The following CFAP92 variants were observed in gnomAD, a reference collection of about 807,000 sequenced individuals.
The protein encoded by CFAP92 is cilia and flagella associated protein 92 (putative).
A neutral mutation model predicts 106.3 loss-of-function variants in CFAP92; 86 were observed. That is an observed-to-expected ratio of 0.81 (90% CI 0.68 to 0.97). The LOEUF (loss-of-function observed/expected upper bound fraction) is 0.97. Ranked by LOEUF, CFAP92 falls within the 50% of genes least tolerant of loss-of-function variation. The pLI is 0.00. For synonymous variants in CFAP92, 477 were observed against 506.4 expected (o/e 0.94, Z 0.78); for missense variants, 1,204 against 1,283.8 (o/e 0.94, Z 0.95).
In CFAP92 at chr3:128,971,396, C is replaced by A. The variant is rs1167081660; in HGVS notation, c.1059G>T (p.Gln353His). ...CTGCCAGGGGCTTCTTATGTCTCCTCTGGATTTTCCTTCTTCCCTCTGAAT... is the reference window on the plus strand; with the variant it reads ...CTGCCAGGGGCTTCTTATGTCTCCTATGGATTTTCCTTCTTCCCTCTGAAT... ...GKDSEGRRKI[Q>H]RRHKKPLAEE... The change falls in exon 8 of 16, where the codon CAG (glutamine) becomes CAT (histidine). Residue 353 changes from glutamine to histidine, a missense_variant. By Grantham distance (24) the Gln-to-His change is conservative. Transcript: ENST00000645291. 1 of 1,612,324 alleles carries A rather than the reference C, an allele frequency of 6.2e-7. No individual in the cohort carries two copies. Among genetic ancestry groups the A allele is most frequent in the African/African-American group, 1.3e-5 (1 of 74,834 alleles).
chr3:128,966,141 T>C (rs1374673746), intron 8 of CFAP92, among the ~76,000 whole-genome samples: 1 of 152,174 alleles, frequency 6.6e-6, no homozygotes, highest in Admixed American at 6.5e-5. Context: ...CTATGGGCCA[T>C]AGGTAGCTAC....
At chr3:128,987,582 G>C (rs960149075) in intron 4 of CFAP92, 34 bp downstream of exon 4, 1 of 1,585,934 alleles carries the variant, frequency 6.3e-7, no homozygotes, top group African/African-American at 1.4e-5. Flanking sequence ...TAAGCCCCAG[G>C]CTTCCAGAAC....
chr3:128,994,819 T>C (rs976377899), upstream of CFAP92, among the ~76,000 whole-genome samples: 1 of 151,986 alleles, frequency 6.6e-6, no homozygotes, highest in Non-Finnish European at 1.5e-5. Context: ...GTAGGCCTCA[T>C]GGAGGAAGTG....
rs539118231 is a variant in CFAP92, at chr3:128,963,775, C to T, written c.1353+1736G>A. Among the ~76,000 whole-genome samples the T allele has an allele frequency of 3.8e-3, 571 of 149,488 alleles. 3 individuals carry two copies. The highest frequency in any genetic ancestry group is 0.014 in the African/African-American group (540 of 39,928). On this transcript the variant is annotated intron_variant, in intron 9 of 15. Transcript: ENST00000645291. Reference sequence around the variant, plus strand: ...TCAGAACCTCTCATTTCCTTTCCATCCTGGAAATCTATCCTCAAGGAAATA... The same window carrying T: ...TCAGAACCTCTCATTTCCTTTCCATTCTGGAAATCTATCCTCAAGGAAATA...
At chr3:128,933,696 G>A (rs192678961) in intron 11 of CFAP92, among the ~76,000 whole-genome samples, 1 of 152,320 alleles carries the variant, frequency 6.6e-6, no homozygotes, top group African/African-American at 2.4e-5. Flanking sequence ...TACCTTGGAT[G>A]CAGTAAGCAC....
At chr3:128,931,523 ATG>A (rs72356792) in intron 12 of CFAP92, among the ~76,000 whole-genome samples, 10,085 of 102,288 alleles carry the variant, frequency 0.099, 889 homozygotes, top group African/African-American at 0.29. Flanking sequence ...ATATGTATGT[ATG>A]TGTATATATA....
intron 9 of CFAP92, among the ~76,000 whole-genome samples, chr3:128,948,560 C>T (rs868240987): frequency 5.2e-5 from 7 of 134,980 alleles, no homozygotes; most frequent in Non-Finnish European, 6.3e-5. Context: ...GACAGGCTCT[C>T]GCTCCATTGC....
At chr3:128,989,912 T>TGTA (rs1349939695) in intron 2 of CFAP92, among the ~76,000 whole-genome samples, 1 of 152,236 alleles carries the variant, frequency 6.6e-6, no homozygotes, top group Non-Finnish European at 1.5e-5. Flanking sequence ...TCTCATTTTC[T>TGTA]GTAGACAGAA....
In CFAP92 at chr3:128,979,041, C is replaced by T. The variant is rs192546195; in HGVS notation, c.668-856G>A. Among the ~76,000 whole-genome samples, 364 of 152,188 alleles carry T rather than the reference C, an allele frequency of 2.4e-3. 2 individuals carry two copies. The highest frequency in any genetic ancestry group is 3.9e-3 in the Non-Finnish European group (262 of 68,002). ...GCAACAGAATGGGAGAAAATTTTTG[C>T]AACCTACTCATCTGATAAAGGGCTA... is the stretch of plus-strand genomic sequence containing the variant. On this transcript the variant is annotated intron_variant, in intron 4 of 15. Transcript: ENST00000645291.
chr3:128,952,796 A>C (rs1227418190), intron 9 of CFAP92, among the ~76,000 whole-genome samples: 1 of 152,136 alleles, frequency 6.6e-6, no homozygotes, highest in Non-Finnish European at 1.5e-5. Flanking sequence ...TTAAAAAGAA[A>C]GTAAATAGGC....
chr3:128,979,704 A>C (rs1312255459), intron 4 of CFAP92, among the ~76,000 whole-genome samples: 1 of 150,864 alleles, frequency 6.6e-6, no homozygotes, highest in Non-Finnish European at 1.5e-5. Context: ...GGACAAAAAA[A>C]CCAAACACCG....
At chr3:129,001,840 CCG>C (rs746043608) in intron 1 of CFAP92, 1 of 1,545,792 alleles carries the variant, frequency 6.5e-7, no homozygotes. Flanking sequence ...TGCCGCGGCG[CCG>C]GCCGTCTGCC....
chr3:129,020,407 T>G, the CFAP92 span, among the ~76,000 whole-genome samples: 4 of 152,118 alleles, frequency 2.6e-5, no homozygotes, highest in Non-Finnish European at 5.9e-5. Flanking sequence ...GAGGCCGAGA[T>G]GGGTGAATCA....
At chr3:128,961,869 C>T (rs1032974853) in intron 9 of CFAP92, among the ~76,000 whole-genome samples, 1 of 152,204 alleles carries the variant, frequency 6.6e-6, no homozygotes, top group African/African-American at 2.4e-5. Flanking sequence ...CAATTCCTTG[C>T]CTCCACTGTG....
chr3:128,962,129 C>T (rs1213897057), intron 9 of CFAP92, among the ~76,000 whole-genome samples: 2 of 152,202 alleles, frequency 1.3e-5, no homozygotes, highest in African/African-American at 4.8e-5. Context: ...AACTCTGGCC[C>T]GAGGCTCTCT....
At chr3:128,922,586 T>C (rs1937385158) in intron 12 of CFAP92, among the ~76,000 whole-genome samples, 2 of 152,178 alleles carry the variant, frequency 1.3e-5, no homozygotes, top group Admixed American at 1.3e-4. Flanking sequence ...GACTAGTAAA[T>C]ACTGAAGCTG....
In CFAP92 at chr3:128,921,263, G is replaced by C. The variant is rs372438397; in HGVS notation, c.2752-4992C>G. Among the ~76,000 whole-genome samples, 19 of 152,328 alleles carry C rather than the reference G, an allele frequency of 1.2e-4. No homozygotes were observed. In the East Asian group the frequency reaches 3.7e-3, roughly 29 times the overall value. ...AACACTAGAGTGTGTGAAAGAGGAT[G>C]CATCATCAGAGGACACCCGAGGACG... is the stretch of plus-strand genomic sequence containing the variant. On this transcript the variant is annotated intron_variant, in intron 12 of 15. Transcript: ENST00000645291.
At chr3:128,926,971 G>C (rs935612251) in intron 12 of CFAP92, among the ~76,000 whole-genome samples, 51 of 152,190 alleles carry the variant, frequency 3.4e-4, no homozygotes, top group African/African-American at 1.2e-3. Context: ...GCGCATGCTT[G>C]TAGTCCCAGC....
intron 11 of CFAP92, among the ~76,000 whole-genome samples, chr3:128,934,134 GTTCT>G (rs111917894): frequency 0.38 from 58,070 of 151,560 alleles, 12,575 homozygotes; most frequent in African/African-American, 0.59. Flanking sequence ...CACTGCCTGT[GTTCT>G]TTATGTCATC....
Sources: gnomAD v4.1 joint callset for allele counts (sites outside exome capture counted in the v4.1 genomes callset) on GRCh38, gnomAD v4.1.1 for gene constraint, MANE v1.5 for transcripts, NCBI Gene and HGNC (gene_info 2026-07-23, HGNC 2026-07-21) for gene names.